CRISP1: variants seen among roughly 807,000 people sequenced by gnomAD.
CRISP1 encodes the protein cysteine rich secretory protein 1.
A neutral mutation model predicts 33.1 loss-of-function variants in CRISP1; 44 were observed. The observed-to-expected ratio is 1.33, with a 90% CI of 1.05 to 1.71. The LOEUF (loss-of-function observed/expected upper bound fraction) is 1.71. Ranked by LOEUF, CRISP1 falls within the 40% of genes most tolerant of loss-of-function variation. The pLI, the probability that CRISP1 is intolerant of heterozygous loss-of-function variation, is 0.00. For synonymous variants in CRISP1, 103 were observed against 98.7 expected (o/e 1.04, Z -0.26); for missense variants, 390 against 301.2 (o/e 1.29, Z -2.18).
intron 1 of CRISP1, among the ~76,000 whole-genome samples, chr6:49,873,031 G>A (rs983582053): frequency 7.9e-5 from 12 of 152,242 alleles, no homozygotes; most frequent in Non-Finnish European, 1.5e-4. Context: ...TCCTACCCAT[G>A]AGCATGGAAT....
At chr6:49,846,732 T>G (rs1023781760) in intron 4 of CRISP1, 64 bp from the exon 5 acceptor site, 1 of 1,477,842 alleles carries the variant, frequency 6.8e-7, no homozygotes, top group African/African-American at 1.4e-5. Flanking sequence ...CAAGGAGACT[T>G]TCCTCATTTT....
In CRISP1 at chr6:49,834,953, A is replaced by G. The variant is rs1770735139; in HGVS notation, c.*363T>C. The G allele has an allele frequency of 6.1e-6, 1 of 164,590 alleles. No individual in the cohort carries two copies. The highest frequency in any genetic ancestry group is 1.3e-5 in the Non-Finnish European group (1 of 77,072). 10.2% of individuals were successfully genotyped at this position (164,590 alleles called of 1,614,324 possible). On this transcript the variant is annotated 3_prime_UTR_variant, in exon 8 of 8. Coordinates refer to ENST00000335847, the MANE Select transcript of CRISP1 (RefSeq NM_001131.3). ...ACTGGATGTTAGTTGTGCAGGGAAG[A>G]TAATCAGAGTGGTTGAAAATATGGG... is the stretch of plus-strand genomic sequence containing the variant.
At chr6:49,871,683 A>G (rs545612073) in intron 1 of CRISP1, among the ~76,000 whole-genome samples, 2 of 151,534 alleles carry the variant, frequency 1.3e-5, no homozygotes, top group Admixed American at 1.3e-4. Context: ...GTTTGCTGAG[A>G]ATGATGGTTT....
In CRISP1 at chr6:49,834,742, G is replaced by A. The variant is rs985469516; in HGVS notation, c.*574C>T. On this transcript the variant is annotated 3_prime_UTR_variant, in exon 8 of 8. Coordinates refer to ENST00000335847, the MANE Select transcript of CRISP1 (RefSeq NM_001131.3). ...TTTTGTTAAATTAATGGCATACGAA[G>A]CTTTTTTATTGTTTCTTGCTTCACA... The A allele has an allele frequency of 6.6e-6, 1 of 151,978 alleles. No individual in the cohort carries two copies. The highest frequency in any genetic ancestry group is 2.4e-5 in the African/African-American group (1 of 41,338). The allele number at this position is 151,978 out of a possible 1,614,324, so 9.4% of individuals were successfully genotyped here. A position where few individuals can be genotyped will look rare whatever the true frequency, so the allele number is the denominator to read the frequency against.
At chr6:49,875,998 A>C (rs1248879722) in intron 1 of CRISP1, among the ~76,000 whole-genome samples, 4 of 152,178 alleles carry the variant, frequency 2.6e-5, no homozygotes, top group African/African-American at 7.2e-5. Flanking sequence ...CAAAGATGTC[A>C]TGACGAAAAT....
intron 1 of CRISP1, among the ~76,000 whole-genome samples, chr6:49,858,752 G>A (rs777075684): frequency 1.3e-5 from 2 of 151,978 alleles, no homozygotes; most frequent in Admixed American, 6.6e-5. Context: ...TAGTAAAGCA[G>A]ATAATATTAA....
At chr6:49,853,425 A>G (rs955171948) in intron 2 of CRISP1, among the ~76,000 whole-genome samples, 5 of 152,162 alleles carry the variant, frequency 3.3e-5, no homozygotes, top group Non-Finnish European at 7.3e-5. Context: ...AAGTCAACTC[A>G]AAGGACTTCA....
intron 4 of CRISP1, among the ~76,000 whole-genome samples, chr6:49,847,969 T>A (rs1232049371): frequency 6.6e-6 from 1 of 152,142 alleles, no homozygotes; most frequent in Non-Finnish European, 1.5e-5. Context: ...TTTCTCCTGA[T>A]GGTCAGAACT....
At chr6:49,857,860 C>T (rs1771538732) in intron 1 of CRISP1, among the ~76,000 whole-genome samples, 1 of 152,122 alleles carries the variant, frequency 6.6e-6, no homozygotes, top group African/African-American at 2.4e-5. Flanking sequence ...GAGGAAGATA[C>T]TCCAAGCTAA....
chr6:49,835,668 C>A (rs976705355), intron 7 of CRISP1, among the ~76,000 whole-genome samples: 2 of 152,062 alleles, frequency 1.3e-5, no homozygotes, highest in Admixed American at 1.3e-4. Context: ...GTTTTTATCA[C>A]AATTTTTTAA....
chr6:49,875,044 T>C (rs1197881797), intron 1 of CRISP1, among the ~76,000 whole-genome samples: 1 of 151,976 alleles, frequency 6.6e-6, no homozygotes, highest in Non-Finnish European at 1.5e-5. Context: ...AACATATTAT[T>C]GGAAATTATG....
At chr6:49,866,589 A>G (rs770501119), upstream of CRISP1, 8 of 152,164 alleles carry the variant, frequency 5.3e-5, no homozygotes, top group Admixed American at 6.6e-5. Flanking sequence ...TTTACGGTGG[A>G]CACCAGGCAT....
At chr6:49,856,065 C>T (rs1305950185) in intron 2 of CRISP1, among the ~76,000 whole-genome samples, 1 of 152,110 alleles carries the variant, frequency 6.6e-6, no homozygotes, top group Non-Finnish European at 1.5e-5. Context: ...TTTATCAATG[C>T]CTTCTACTTT....
At chr6:49,876,261 C>T (rs1039942236) in intron 1 of CRISP1, among the ~76,000 whole-genome samples, 7 of 151,986 alleles carry the variant, frequency 4.6e-5, no homozygotes, top group Non-Finnish European at 1.0e-4. Flanking sequence ...AGAAGACATT[C>T]GTGCAGGCAA....
At position 49,856,697 on chromosome 6, in the gene CRISP1, G is replaced by A. The variant is rs556122434; in HGVS notation, c.66+638C>T. ...TTTACTTCAGTTTGTCACAAAATTT[G>A]GGGTAAATTAAAATATATATTATTT... On this transcript the variant is annotated intron_variant, in intron 2 of 7. Transcript: ENST00000335847. Among the ~76,000 whole-genome samples the A allele has an allele frequency of 3.3e-5, 5 of 151,974 alleles. No homozygotes were observed. In the South Asian group the frequency reaches 1.0e-3, roughly 32 times the overall value.
chr6:49,863,490 C>A (rs1162489428), intron 1 of CRISP1, among the ~76,000 whole-genome samples: 1 of 152,156 alleles, frequency 6.6e-6, no homozygotes, highest in South Asian at 2.1e-4. Context: ...TTATTTTATA[C>A]ACAGATGGCA....
intron 3 of CRISP1, among the ~76,000 whole-genome samples, chr6:49,849,999 C>CA (rs1202429203): frequency 6.7e-6 from 1 of 148,784 alleles, no homozygotes; most frequent in African/African-American, 2.5e-5. Context: ...CTACTAAGAA[C>CA]AAAAAACCAA....
chr6:49,849,249 T>C (rs1771276325), intron 3 of CRISP1, among the ~76,000 whole-genome samples: 1 of 152,138 alleles, frequency 6.6e-6, no homozygotes, highest in Non-Finnish European at 1.5e-5. Context: ...CCTATGAACA[T>C]TTGTCTTATC....
intron 1 of CRISP1, among the ~76,000 whole-genome samples, chr6:49,862,827 AC>A (rs1359605509): frequency 2.0e-5 from 3 of 149,554 alleles, no homozygotes; most frequent in Non-Finnish European, 4.5e-5. Context: ...AAAAAAAAAA[AC>A]AAAACAAAAC....
Sources: allele counts gnomAD v4.1 joint callset (sites outside exome capture counted in the v4.1 genomes callset), GRCh38; gene constraint gnomAD v4.1.1; transcripts MANE v1.5; gene names NCBI Gene and HGNC (gene_info 2026-07-23, HGNC 2026-07-21).